The following MPPED2 variants were observed in gnomAD, a reference collection of about 807,000 sequenced individuals.
MPPED2 encodes the protein metallophosphoesterase domain containing 2, also known as metallophosphoesterase MPPED2.
MPPED2 carries 5 observed loss-of-function variants against 33.0 expected under a neutral mutation model. The observed-to-expected ratio is 0.15, with a 90% CI of 0.08 to 0.32. The LOEUF (loss-of-function observed/expected upper bound fraction) is 0.32, where lower values mean the gene tolerates loss of function less well. Ranked by LOEUF, MPPED2 falls within the 10% of genes least tolerant of loss-of-function variation. The pLI, the probability that MPPED2 is intolerant of heterozygous loss-of-function variation, is 1.00. For synonymous variants in MPPED2, 136 were observed against 141.9 expected (o/e 0.96, Z 0.29); for missense variants, 275 against 372.1 (o/e 0.74, Z 2.15).
chr11:30,510,815 T>C (rs1953131603), intron 3 of MPPED2, among the ~76,000 whole-genome samples: 1 of 152,242 alleles, frequency 6.6e-6, no homozygotes, highest in Non-Finnish European at 1.5e-5. Flanking sequence ...CTTAACTTAA[T>C]TCTCCAAAAC....
chr11:30,426,234 T>G (rs564469157), intron 4 of MPPED2, among the ~76,000 whole-genome samples: 1 of 152,224 alleles, frequency 6.6e-6, no homozygotes, highest in South Asian at 2.1e-4. Context: ...TTCTAGGTAC[T>G]TCATGTAAGT....
At chr11:30,570,638 G>A (rs1364389512) in intron 2 of MPPED2, among the ~76,000 whole-genome samples, 1 of 152,200 alleles carries the variant, frequency 6.6e-6, no homozygotes, top group African/African-American at 2.4e-5. Flanking sequence ...CTAGTAAAAT[G>A]CCTATGTCAT....
chr11:30,515,122 C>T (rs906540077), intron 3 of MPPED2, among the ~76,000 whole-genome samples: 12 of 152,070 alleles, frequency 7.9e-5, no homozygotes, highest in South Asian at 2.1e-4. Context: ...AACCTTTATA[C>T]GTTAACCTAC....
rs183099829 is a variant in MPPED2, at chr11:30,414,805, A to G, written c.653-464T>C. ...ACAAGATACCCAGCTCTCTTTAGAT[A>G]CACTAAGTCTTACCCCTTGTGGTTC... On this transcript the variant is annotated intron_variant, in intron 5 of 6. Coordinates refer to ENST00000358117, the MANE Select transcript of MPPED2 (RefSeq NM_001584.3). 3.6e-3 allele frequency among the ~76,000 whole-genome samples: 551 copies of G among 152,286 alleles called. 5 individuals carry two copies. The highest frequency in any genetic ancestry group is 0.013 in the African/African-American group (522 of 41,568).
chr11:30,487,985 C>T (rs1590518081), intron 4 of MPPED2, among the ~76,000 whole-genome samples: 1 of 151,924 alleles, frequency 6.6e-6, no homozygotes, highest in Non-Finnish European at 1.5e-5. Flanking sequence ...TTGCTCAGGC[C>T]ACGGAGTAGA....
At chr11:30,544,024 G>T (rs1749793425) in intron 2 of MPPED2, among the ~76,000 whole-genome samples, 1 of 152,126 alleles carries the variant, frequency 6.6e-6, no homozygotes. Context: ...TGCACGGAGT[G>T]TGTCTCCTCT....
upstream of MPPED2, chr11:30,586,933 CA>C (rs1489951985): frequency 1.6e-4 from 19 of 117,156 alleles, no homozygotes; most frequent in African/African-American, 5.1e-4. The surrounding 1 kb of genome is among the most constrained non-coding windows in gnomAD (Gnocchi z 4.8). Flanking sequence ...ACGACAGACA[CA>C]CACACACACA....
At chr11:30,522,182 TA>T (rs772921421) in intron 3 of MPPED2, among the ~76,000 whole-genome samples, 1 of 152,072 alleles carries the variant, frequency 6.6e-6, no homozygotes, top group Non-Finnish European at 1.5e-5. Flanking sequence ...AAAAATGTCA[TA>T]AATGGCATGA....
chr11:30,543,628 A>G (rs1955250427), intron 2 of MPPED2, among the ~76,000 whole-genome samples: 1 of 152,160 alleles, frequency 6.6e-6, no homozygotes, highest in African/African-American at 2.4e-5. Context: ...AATTAGCAAG[A>G]CTTTAAATAA....
At chr11:30,439,438 A>C (rs887764084) in intron 4 of MPPED2, among the ~76,000 whole-genome samples, 1 of 152,178 alleles carries the variant, frequency 6.6e-6, no homozygotes, top group Non-Finnish European at 1.5e-5. Context: ...TTCCTATTAC[A>C]CACTCAAGTC....
At chr11:30,556,581 G>T (rs956689877) in intron 2 of MPPED2, among the ~76,000 whole-genome samples, 1 of 152,128 alleles carries the variant, frequency 6.6e-6, no homozygotes, top group East Asian at 1.9e-4. Flanking sequence ...GATTAGCATG[G>T]CCTATAGATT....
chr11:30,391,947 C>T (rs984481855), intron 6 of MPPED2, among the ~76,000 whole-genome samples: 2 of 152,094 alleles, frequency 1.3e-5, no homozygotes, highest in Non-Finnish European at 2.9e-5. Context: ...GTGTGTAATC[C>T]AGAGCAAATT....
intron 6 of MPPED2, among the ~76,000 whole-genome samples, chr11:30,395,945 T>G (rs1360109531): frequency 6.6e-6 from 1 of 152,160 alleles, no homozygotes; most frequent in Non-Finnish European, 1.5e-5. Context: ...CCGCAGATAA[T>G]CGTCATAAAT....
chr11:30,455,827 C>T (rs1950257689), intron 4 of MPPED2, among the ~76,000 whole-genome samples: 1 of 152,234 alleles, frequency 6.6e-6, no homozygotes. Context: ...CTACCATGCT[C>T]AGAACTGCCT....
chr11:30,567,376 G>A (rs1204473020), intron 2 of MPPED2, among the ~76,000 whole-genome samples: 2 of 152,148 alleles, frequency 1.3e-5, no homozygotes, highest in Non-Finnish European at 1.5e-5. Context: ...TAGGGCAAGA[G>A]TTTCATGTTT....
intron 4 of MPPED2, among the ~76,000 whole-genome samples, chr11:30,448,231 C>T (rs1453043299): frequency 3.3e-5 from 5 of 152,224 alleles, no homozygotes; most frequent in Admixed American, 1.3e-4. Context: ...ACATCAAACC[C>T]TACGCATGTC....
At chr11:30,415,915 C>T (rs905985853) in intron 5 of MPPED2, among the ~76,000 whole-genome samples, 14 of 152,134 alleles carry the variant, frequency 9.2e-5, no homozygotes, top group African/African-American at 3.4e-4. Context: ...AATAAATAGC[C>T]AAAGGGAAAT....
intron 3 of MPPED2, among the ~76,000 whole-genome samples, chr11:30,522,016 G>T (rs1467670337): frequency 5.3e-5 from 8 of 152,168 alleles, no homozygotes; most frequent in Non-Finnish European, 1.0e-4. Context: ...ATGATTATTA[G>T]AAATGTAGGT....
In MPPED2 at chr11:30,575,469, A is replaced by G. The variant is rs113591301; in HGVS notation, c.128+4777T>C. ...AGACAGGTTCAACAATTTTTCCATCATCACCCAGCCACGCCAGTAACTGGC... is the reference window on the plus strand; with the variant it reads ...AGACAGGTTCAACAATTTTTCCATCGTCACCCAGCCACGCCAGTAACTGGC... On this transcript the variant is annotated intron_variant, in intron 2 of 6. Coordinates refer to ENST00000358117, the MANE Select transcript of MPPED2 (RefSeq NM_001584.3). Among the ~76,000 whole-genome samples, 371 of 152,314 alleles carry G rather than the reference A, an allele frequency of 2.4e-3. 6 individuals are homozygous for G. The highest frequency in any genetic ancestry group is 8.4e-3 in the African/African-American group (349 of 41,552).
Sources: allele counts gnomAD v4.1 joint callset (sites outside exome capture counted in the v4.1 genomes callset), GRCh38; gene constraint gnomAD v4.1.1; non-coding constraint Gnocchi (gnomAD v3.1); transcripts MANE v1.5; gene names NCBI Gene and HGNC (gene_info 2026-07-23, HGNC 2026-07-21).